Variants in DNAH12 observed in about 807,000 individuals in gnomAD.
DNAH12 encodes the protein dynein axonemal heavy chain 12, also known as axonemal beta dynein heavy chain 12.
DNAH12 carries 285 observed loss-of-function variants against 371.5 expected under a neutral mutation model. The ratio of observed to expected loss-of-function variants is 0.77; its 90% CI spans 0.70 to 0.85. DNAH12 has a LOEUF of 0.85. Ranked by LOEUF, DNAH12 falls within the 40% of genes least tolerant of loss-of-function variation. The probability of loss-of-function intolerance (pLI) is 0.00; values close to 1 mark genes in which losing one functional copy is unlikely to be tolerated. For synonymous variants in DNAH12, 1,200 were observed against 1,213.0 expected, an observed-to-expected ratio of 0.99 and a Z score of 0.22; for missense variants, 3,611 against 3,689.4, an observed-to-expected ratio of 0.98 and a Z score of 0.55.
rs190093974 is a variant in DNAH12 at position 57,410,558 on chromosome 3, C to A, written c.6021-2023G>T. ...TCCAGGCCGGGTGTGGTGGCTCATA[C>A]CTGTAATCCCAGTGCTTTAGGAGGC... is the stretch of plus-strand genomic sequence containing the variant. On this transcript the variant is annotated intron_variant, in intron 39 of 73. Transcript: ENST00000495027. Among the ~76,000 whole-genome samples the A allele has an allele frequency of 2.2e-4, 33 of 152,144 alleles. 1 individual carries two copies. In the East Asian group the frequency reaches 6.4e-3, roughly 29 times the overall value.
intron 58 of DNAH12, among the ~76,000 whole-genome samples, chr3:57,358,417 G>C (rs1239928258): frequency 4.8e-5 from 6 of 125,014 alleles, no homozygotes; most frequent in African/African-American, 1.6e-4. Context: ...AAGAGACAGA[G>C]AGTACAGAAA....
At chr3:57,414,447 G>T (rs1383509560) in intron 38 of DNAH12, among the ~76,000 whole-genome samples, 1 of 152,030 alleles carries the variant, frequency 6.6e-6, no homozygotes, top group Non-Finnish European at 1.5e-5. Context: ...ATGGGTAATT[G>T]TGTGTTGTGA....
In DNAH12 at chr3:57,445,270, T is replaced by C. The variant is rs1575608674; in HGVS notation, c.4329A>G (p.Gln1443=). ...CTCGCATTCCATAGTCGTAATGAAA[T>C]TGCGATGAGAGCTGCTCTGAGCAAA... is the stretch of plus-strand genomic sequence containing the variant. ...YRLCSEQLSS[Q]FHYDYGMRAV... is the part of the protein sequence containing the mutation. The change falls in exon 28 of 74, where the codon CAA becomes CAG. Residue 1443 remains glutamine (Q), a synonymous_variant. Transcript: ENST00000495027. The C allele has an allele frequency of 1.9e-6, 3 of 1,551,436 alleles. No homozygotes were observed. Among genetic ancestry groups the C allele is most frequent in the East Asian group, 4.9e-5 (2 of 40,894 alleles).
chr3:57,535,140 C>G (rs931732581), intron 2 of DNAH12, among the ~76,000 whole-genome samples: 4 of 152,222 alleles, frequency 2.6e-5, no homozygotes, highest in African/African-American at 9.6e-5. Flanking sequence ...TATATGAACT[C>G]AGGCCTGATT....
chr3:57,314,618 A>G lies in DNAH12; in HGVS notation c.10538T>C (p.Leu3513Ser). The change falls in exon 66 of 74, where the codon TTA becomes TCA. Residue 3513 changes from leucine to serine, a missense_variant. Coordinates refer to ENST00000495027, the MANE Select transcript of DNAH12 (RefSeq NM_001366028.2). ...ATGAAAAAAACAAACTCCAAACAGT[A>G]ACTTCTCCCAGGCCTTTAATATAAA... ...CRGKELAWEK[L>S]LFGVCFFHAL... 1.3e-6 allele frequency: 2 copies of G among 1,545,866 alleles called. No individual in the cohort carries two copies. Among genetic ancestry groups the G allele is most frequent in the Non-Finnish European group, 1.7e-6 (2 of 1,145,830 alleles).
rs1486260879 is a variant in DNAH12 at position 57,302,549 on chromosome 3, A to G, written c.11190-610T>C. ...CAGGTGTATATATATATATATATAT[A>G]TATATATATATATATGTATTTTTTT... On this transcript the variant is annotated intron_variant, in intron 69 of 73. Coordinates refer to ENST00000495027, the MANE Select transcript of DNAH12 (RefSeq NM_001366028.2). Among the ~76,000 whole-genome samples the G allele has an allele frequency of 1.2e-3, 110 of 88,272 alleles. 2 individuals are homozygous for G. Among genetic ancestry groups the G allele is most frequent in the Non-Finnish European group, 1.9e-3 (91 of 46,992 alleles). 57.9% of individuals were successfully genotyped at this position (88,272 alleles called of 152,430 possible). A position where few individuals can be genotyped will look rare whatever the true frequency, so the allele number is the denominator to read the frequency against.
intron 45 of DNAH12, among the ~76,000 whole-genome samples, chr3:57,387,692 T>C (rs2153345813): frequency 6.6e-6 from 1 of 152,250 alleles, no homozygotes; most frequent in South Asian, 2.1e-4. Context: ...TAAGCAGTTG[T>C]TGGGTGGAGA....
intron 45 of DNAH12, among the ~76,000 whole-genome samples, chr3:57,387,910 A>G (rs2063528430): frequency 6.6e-6 from 1 of 152,144 alleles, no homozygotes; most frequent in Non-Finnish European, 1.5e-5. Context: ...TTGTTAAGCC[A>G]CAAAAGCCCC....
chr3:57,321,694 A>G (rs1196075422), intron 65 of DNAH12, among the ~76,000 whole-genome samples: 13 of 152,110 alleles, frequency 8.5e-5, no homozygotes, highest in Admixed American at 7.9e-4. Context: ...TATGAAACCC[A>G]TTTGTTCACA....
intron 42 of DNAH12, among the ~76,000 whole-genome samples, chr3:57,404,163 A>G (rs2063954138): frequency 6.6e-6 from 1 of 152,184 alleles, no homozygotes; most frequent in Non-Finnish European, 1.5e-5. Context: ...GTGAATTTTC[A>G]AAGCCTTTTT....
intron 10 of DNAH12, 25 bp downstream of exon 10, chr3:57,502,298 A>G (rs199703711): frequency 4.2e-5 from 68 of 1,612,160 alleles, no homozygotes; most frequent in East Asian, 1.8e-4. Context: ...GACAAATGGT[A>G]TAATATTATG....
chr3:57,542,801 C>G lies in DNAH12; in HGVS notation c.70G>C (p.Val24Leu), dbSNP rs751543050. Residue 24 changes from valine (V) to leucine (L), a missense_variant, in exon 2 of 74, where the codon GTC becomes CTC. Coordinates refer to ENST00000495027, the MANE Select transcript of DNAH12 (RefSeq NM_001366028.2). ...ACGCCTATGTTTTCTGGGAGATGGACAATGGGGGGTAACTTCAAGTTCAGA... is the reference window on the plus strand; with the variant it reads ...ACGCCTATGTTTTCTGGGAGATGGAGAATGGGGGGTAACTTCAAGTTCAGA... ...EALNLKLPPI[V>L]HLPENIGVDT... 3 of 1,609,700 alleles carry G rather than the reference C, an allele frequency of 1.9e-6. No homozygotes were observed. Among genetic ancestry groups the G allele is most frequent in the African/African-American group, 2.7e-5 (2 of 74,470 alleles).
chr3:57,472,811 C>T (rs562801584), intron 13 of DNAH12, 140 bp from the exon 14 acceptor site: 2 of 875,870 alleles, frequency 2.3e-6, no homozygotes, highest in Admixed American at 5.8e-5. Flanking sequence ...TATATATCAC[C>T]CAAACCAGAT....
At chr3:57,351,952 A>G in intron 60 of DNAH12, 133 bp downstream of exon 60, 1 of 874,698 alleles carries the variant, frequency 1.1e-6, no homozygotes, top group African/African-American at 1.7e-5. Context: ...CATTGTTATC[A>G]GTGAAATGCA....
chr3:57,322,872 G>A, intron 64 of DNAH12, 135 bp downstream of exon 64: 1 of 1,284,640 alleles, frequency 7.8e-7, no homozygotes, highest in Non-Finnish European at 1.0e-6. Flanking sequence ...GAAGTTTGCG[G>A]TGAGCCGAAA....
At chr3:57,507,544 C>A in intron 8 of DNAH12, 99 bp downstream of exon 8, 1 of 842,054 alleles carries the variant, frequency 1.2e-6, no homozygotes. Flanking sequence ...TATTTTATTT[C>A]AAAATAATTA....
chr3:57,512,134 T>C (rs990780372), intron 4 of DNAH12, among the ~76,000 whole-genome samples: 1 of 152,154 alleles, frequency 6.6e-6, no homozygotes, highest in African/African-American at 2.4e-5. Flanking sequence ...ATTGACAATC[T>C]GGCAGAAAAT....
chr3:57,296,518 C>T, intron 71 of DNAH12, 83 bp from the exon 72 acceptor site: 1 of 1,070,408 alleles, frequency 9.3e-7, no homozygotes. Context: ...ATATTCAGAA[C>T]ACATTCAGGG....
chr3:57,296,501 T>A (rs1477501099), intron 71 of DNAH12, 66 bp from the exon 72 acceptor site: 11 of 1,229,106 alleles, frequency 8.9e-6, no homozygotes, highest in African/African-American at 1.5e-5. Flanking sequence ...AAGAACACAT[T>A]AGCGAAATAT....
Sources: allele counts gnomAD v4.1 joint callset (sites outside exome capture counted in the v4.1 genomes callset), GRCh38; gene constraint gnomAD v4.1.1; transcripts MANE v1.5; gene names NCBI Gene and HGNC (gene_info 2026-07-23, HGNC 2026-07-21).